Variants in SAMD4A observed in about 807,000 individuals in gnomAD.
The protein encoded by SAMD4A is protein Smaug homolog 1.
A neutral mutation model predicts 81.3 loss-of-function variants in SAMD4A; 33 were observed. The observed-to-expected ratio is 0.41, with a 90% CI of 0.31 to 0.54. SAMD4A has a LOEUF of 0.54. SAMD4A is among the 20% of genes least tolerant of loss of function. SAMD4A has a pLI of 0.37. For missense variants in SAMD4A, 854 were observed against 951.1 expected (o/e 0.90, Z 1.34); for synonymous variants, 389 against 382.1 (o/e 1.02, Z -0.21).
intron 3 of SAMD4A, among the ~76,000 whole-genome samples, chr14:54,712,716 CT>C (rs1271558640): frequency 6.6e-6 from 1 of 152,156 alleles, no homozygotes; most frequent in Non-Finnish European, 1.5e-5. Flanking sequence ...GGAGATCCCT[CT>C]GCCTGGAAAA....
intron 2 of SAMD4A, among the ~76,000 whole-genome samples, chr14:54,674,978 C>T (rs2035959647): frequency 6.6e-6 from 1 of 152,140 alleles, no homozygotes; most frequent in African/African-American, 2.4e-5. Context: ...CTCTCGAGCT[C>T]CCAGGTTCAA....
In SAMD4A at chr14:54,659,823, A is replaced by G. The variant is rs942227322; in HGVS notation, c.197-42239A>G. On this transcript the variant is annotated intron_variant, in intron 2 of 12. Transcript: ENST00000554335. ...CTGGCCAACCTCAGAACCCTGTACA[A>G]TAGCACACCCAGAGACAGAGTTTTG... 2.0e-4 allele frequency among the ~76,000 whole-genome samples: 30 copies of G among 152,216 alleles called. 1 individual carries two copies. The highest frequency in any genetic ancestry group is 2.9e-5 in the Non-Finnish European group (2 of 68,032).
intron 3 of SAMD4A, among the ~76,000 whole-genome samples, chr14:54,724,008 G>GGAAGGAA (rs1555347527): frequency 2.3e-4 from 9 of 39,088 alleles, no homozygotes; most frequent in East Asian, 1.7e-3. Flanking sequence ...ATGGATGGAT[G>GGAAGGAA]GAAGGAAGGA....
At chr14:54,606,909 C>T (rs898307432) in intron 2 of SAMD4A, among the ~76,000 whole-genome samples, 3 of 152,240 alleles carry the variant, frequency 2.0e-5, no homozygotes, top group Non-Finnish European at 2.9e-5. Flanking sequence ...AAGATCTTCA[C>T]TGGGCTGTGT....
intron 2 of SAMD4A, among the ~76,000 whole-genome samples, chr14:54,597,011 T>G (rs2033926869): frequency 6.6e-6 from 1 of 152,166 alleles, no homozygotes; most frequent in Non-Finnish European, 1.5e-5. Context: ...AGTGTTTTGT[T>G]TCATGCCCAT....
At chr14:54,700,152 T>C (rs1166822102) in intron 2 of SAMD4A, among the ~76,000 whole-genome samples, 2 of 152,234 alleles carry the variant, frequency 1.3e-5, no homozygotes, top group Non-Finnish European at 2.9e-5. Context: ...ATTCCAGCTA[T>C]GCAGAGACAA....
At position 54,623,979 on chromosome 14, in the gene SAMD4A, C is replaced by CT. The variant is rs558844135; in HGVS notation, c.196+55877dup. On this transcript the variant is annotated intron_variant, in intron 2 of 12. Coordinates refer to ENST00000554335, the MANE Select transcript of SAMD4A (RefSeq NM_015589.6). Reference sequence around the variant, plus strand: ...GATTTCATCCACTCTTATTTAATTCCTTTTTTTTTTCTTTTTGAGATGGAG... The same window carrying CT: ...GATTTCATCCACTCTTATTTAATTCCTTTTTTTTTTTCTTTTTGAGATGGAG... Among the ~76,000 whole-genome samples, 185 of 149,654 alleles carry CT rather than the reference C, an allele frequency of 1.2e-3. 1 individual carries two copies. In the South Asian group the frequency reaches 0.015, roughly 12 times the overall value.
chr14:54,732,498 A>G (rs1283746898), intron 3 of SAMD4A, among the ~76,000 whole-genome samples: 3 of 152,194 alleles, frequency 2.0e-5, no homozygotes, highest in Non-Finnish European at 4.4e-5. Context: ...TTTTTAAAGC[A>G]TGCTTTAAAT....
chr14:54,734,331 T>A (rs2037635747), intron 3 of SAMD4A, among the ~76,000 whole-genome samples: 1 of 152,232 alleles, frequency 6.6e-6, no homozygotes, highest in African/African-American at 2.4e-5. Context: ...GGCACTGTGC[T>A]TGGTTGCCAC....
At chr14:54,624,299 C>G (rs2034693910) in intron 2 of SAMD4A, among the ~76,000 whole-genome samples, 1 of 152,218 alleles carries the variant, frequency 6.6e-6, no homozygotes, top group South Asian at 2.1e-4. Flanking sequence ...CTATTATGCC[C>G]TCTCCGGTCA....
chr14:54,617,471 C>T (rs201978579), intron 2 of SAMD4A, among the ~76,000 whole-genome samples: 1 of 150,870 alleles, frequency 6.6e-6, no homozygotes, highest in Non-Finnish European at 1.5e-5. Context: ...GAATCTTTCC[C>T]TTTTTTTTTC....
intron 2 of SAMD4A, among the ~76,000 whole-genome samples, chr14:54,661,769 G>A (rs1181281712): frequency 6.6e-6 from 1 of 152,172 alleles, no homozygotes; most frequent in African/African-American, 2.4e-5. Flanking sequence ...CCCCACTACT[G>A]GAGAAACACC....
intron 7 of SAMD4A, among the ~76,000 whole-genome samples, chr14:54,764,218 T>C (rs2038479181): frequency 1.3e-5 from 2 of 152,214 alleles, no homozygotes; most frequent in South Asian, 2.1e-4. Context: ...GAAGGCTTCA[T>C]ATAGAATGGC....
At chr14:54,594,815 GA>G (rs1312391202) in intron 2 of SAMD4A, among the ~76,000 whole-genome samples, 1 of 152,156 alleles carries the variant, frequency 6.6e-6, no homozygotes, top group African/African-American at 2.4e-5. Context: ...TTTTGCATTG[GA>G]ATTTAAGTGA....
chr14:54,656,786 C>T (rs1279574381), intron 2 of SAMD4A, among the ~76,000 whole-genome samples: 1 of 152,092 alleles, frequency 6.6e-6, no homozygotes, highest in Non-Finnish European at 1.5e-5. Context: ...CGCCACCATG[C>T]CCAGCTAATT....
At chr14:54,617,859 A>C (rs189466564) in intron 2 of SAMD4A, among the ~76,000 whole-genome samples, 237 of 152,354 alleles carry the variant, frequency 1.6e-3, no homozygotes, top group African/African-American at 5.2e-3. Context: ...TAGCCGTGAT[A>C]TAAATTGTTT....
chr14:54,723,999 T>TGGAAGGAAGGAA (rs1352946376), intron 3 of SAMD4A, among the ~76,000 whole-genome samples: 2,894 of 52,124 alleles, frequency 0.056, 56 homozygotes, highest in East Asian at 0.085. Flanking sequence ...ATTGGATGGA[T>TGGAAGGAAGGAA]GGATGGATGG....
In SAMD4A at chr14:54,567,830, G is replaced by T. The variant is rs1160545529; in HGVS notation, c.-87G>T. The T allele has an allele frequency of 2.1e-6, 3 of 1,455,328 alleles. No individual in the cohort carries two copies. The highest frequency in any genetic ancestry group is 1.9e-6 in the Non-Finnish European group (2 of 1,080,146). 90.2% of individuals were successfully genotyped at this position (1,455,328 alleles called of 1,614,324 possible). A position where few individuals can be genotyped will look rare whatever the true frequency, so the allele number is the denominator to read the frequency against. On this transcript the variant is annotated 5_prime_UTR_variant, in exon 2 of 13. Coordinates refer to ENST00000554335, the MANE Select transcript of SAMD4A (RefSeq NM_015589.6). ...GGAACAGGAACGCGTCTCCGGCCGC[G>T]GGGCTGCGGCTCCGCCAAACTTTGG...
chr14:54,694,121 G>C (rs2036520272), intron 2 of SAMD4A: 1 of 152,616 alleles, frequency 6.6e-6, no homozygotes, highest in South Asian at 2.1e-4. Context: ...ATCATAGAGG[G>C]ACTAACAGGC....
Sources: gnomAD v4.1 joint callset for allele counts (sites outside exome capture counted in the v4.1 genomes callset) on GRCh38, gnomAD v4.1.1 for gene constraint, MANE v1.5 for transcripts, NCBI Gene and HGNC (gene_info 2026-07-23, HGNC 2026-07-21) for gene names.